The following MTUS2 variants were observed in gnomAD, a reference collection of about 807,000 sequenced individuals.
MTUS2 encodes the protein microtubule-associated tumor suppressor candidate 2.
A neutral mutation model predicts 114.1 loss-of-function variants in MTUS2; 40 were observed. The ratio of observed to expected loss-of-function variants is 0.35; its 90% CI spans 0.27 to 0.46. MTUS2 has a LOEUF of 0.46. MTUS2 is among the 20% of genes least tolerant of loss of function. MTUS2 has a pLI of 1.00. For missense variants in MTUS2, 1,679 were observed against 1,705.4 expected (o/e 0.98, Z 0.27); for synonymous variants, 688 against 672.0 (o/e 1.02, Z -0.37).
chr13:28,933,105 T>C (rs1294718106), intron 2 of MTUS2, among the ~76,000 whole-genome samples: 1 of 145,212 alleles, frequency 6.9e-6, no homozygotes, highest in Non-Finnish European at 1.5e-5. Flanking sequence ...GTGTAGGTTC[T>C]CTGGAGAATC....
chr13:28,848,556 G>A (rs1876036732), intron 2 of MTUS2, among the ~76,000 whole-genome samples: 2 of 151,948 alleles, frequency 1.3e-5, no homozygotes, highest in African/African-American at 4.8e-5. Flanking sequence ...ATCTAGTGTG[G>A]TAGGAAGAGA....
intron 2 of MTUS2, among the ~76,000 whole-genome samples, chr13:28,898,866 ATG>A (rs1879453511): frequency 6.6e-6 from 1 of 152,166 alleles, no homozygotes; most frequent in Admixed American, 6.5e-5. Flanking sequence ...CTTTAGTTAA[ATG>A]TGTGATTGAA....
At chr13:28,958,781 A>G (rs1228916705) in intron 2 of MTUS2, among the ~76,000 whole-genome samples, 1 of 152,222 alleles carries the variant, frequency 6.6e-6, no homozygotes, top group Non-Finnish European at 1.5e-5. Context: ...AGAAAGCTGT[A>G]GCTGTGGATG....
At chr13:29,259,860 C>T (rs1328492565) in intron 5 of MTUS2, among the ~76,000 whole-genome samples, 3 of 152,166 alleles carry the variant, frequency 2.0e-5, no homozygotes, top group Admixed American at 6.5e-5. Flanking sequence ...ATACTCTATA[C>T]GTGATTTTTC....
chr13:29,290,610 G>A (rs1314067662), intron 6 of MTUS2, among the ~76,000 whole-genome samples: 3 of 152,124 alleles, frequency 2.0e-5, no homozygotes, highest in African/African-American at 4.8e-5. Flanking sequence ...GATTACAGGC[G>A]TTAACCACCA....
At chr13:29,434,665 A>G (rs868221135) in intron 8 of MTUS2, among the ~76,000 whole-genome samples, 1 of 152,220 alleles carries the variant, frequency 6.6e-6, no homozygotes, top group Non-Finnish European at 1.5e-5. Context: ...AATCACACGG[A>G]TGATGCTAAC....
At position 29,289,159 on chromosome 13, in the gene MTUS2, G is replaced by T. The variant is rs77212486; in HGVS notation, c.2806+7294G>T. Among the ~76,000 whole-genome samples, 66 of 152,338 alleles carry T rather than the reference G, an allele frequency of 4.3e-4. No individual in the cohort carries two copies. In the East Asian group the frequency reaches 0.011, roughly 25 times the overall value. On this transcript the variant is annotated intron_variant, in intron 6 of 15. Transcript: ENST00000612955. Reference sequence around the variant, plus strand: ...CAGGACTAAGTAGTAATTGAAGCATGTGATATAAACTGTTTTAGCTTTTAC... The same window carrying T: ...CAGGACTAAGTAGTAATTGAAGCATTTGATATAAACTGTTTTAGCTTTTAC...
Position 29,026,032 on chromosome 13 carries a change from C to T in MTUS2, c.1334C>T (p.Thr445Ile). 6.2e-7 allele frequency: 1 copy of T among 1,613,984 alleles called. No individual in the cohort carries two copies. The change falls in exon 3 of 16, where the codon ACT becomes ATT. Residue 445 changes from threonine to isoleucine, a missense_variant. Physicochemically the swap from Thr to Ile is moderately conservative, Grantham distance 89. This residue lies in a region of MTUS2 where 843 missense variants were observed against 770.8 expected (regional missense o/e 1.09). Coordinates refer to ENST00000612955, the MANE Select transcript of MTUS2 (RefSeq NM_001033602.4). ...GTGGCTTTTATTCCTAATAATCTGACTGACAGCAAGCCCTTGGATGTCATT... is the reference window on the plus strand; with the variant it reads ...GTGGCTTTTATTCCTAATAATCTGATTGACAGCAAGCCCTTGGATGTCATT... ...SHVAFIPNNL[T>I]DSKPLDVIEE...
intron 2 of MTUS2, among the ~76,000 whole-genome samples, chr13:29,018,548 A>G (rs555563252): frequency 6.6e-6 from 1 of 152,250 alleles, no homozygotes; most frequent in East Asian, 1.9e-4. Flanking sequence ...GCCAAGGTGG[A>G]TGGATCACCT....
At chr13:29,184,924 C>A (rs1384658449) in intron 5 of MTUS2, among the ~76,000 whole-genome samples, 2 of 152,066 alleles carry the variant, frequency 1.3e-5, no homozygotes, top group African/African-American at 4.8e-5. Context: ...GTCAAGAGAA[C>A]TTCCTTGAGG....
chr13:29,421,147 C>G (rs756030853), intron 8 of MTUS2, among the ~76,000 whole-genome samples: 19 of 152,122 alleles, frequency 1.2e-4, no homozygotes, highest in Non-Finnish European at 2.4e-4. Context: ...CGTAACTACC[C>G]ATCATTCCCA....
intron 6 of MTUS2, among the ~76,000 whole-genome samples, chr13:29,322,410 C>T (rs958481818): frequency 6.6e-6 from 1 of 152,090 alleles, no homozygotes; most frequent in Non-Finnish European, 1.5e-5. Context: ...GCTTTCCATA[C>T]CTGGAAGGTC....
intron 8 of MTUS2, among the ~76,000 whole-genome samples, chr13:29,409,191 C>T (rs1048726775): frequency 1.3e-5 from 2 of 152,044 alleles, no homozygotes; most frequent in African/African-American, 4.8e-5. Context: ...GTGGTAGCAC[C>T]TGTAATCTCA....
intron 3 of MTUS2, among the ~76,000 whole-genome samples, chr13:29,030,067 G>T (rs953623405): frequency 6.6e-6 from 1 of 152,146 alleles, no homozygotes; most frequent in Non-Finnish European, 1.5e-5. Flanking sequence ...ACCCCACATT[G>T]TCTGTAATTC....
At chr13:29,500,993 A>G in intron 14 of MTUS2, 104 bp from the exon 15 acceptor site, 1 of 832,052 alleles carries the variant, frequency 1.2e-6, no homozygotes, top group East Asian at 2.5e-5. Flanking sequence ...GATGTTTGCA[A>G]AATGCTGTTC....
chr13:29,301,310 A>G (rs1899195745), intron 6 of MTUS2, among the ~76,000 whole-genome samples: 1 of 152,030 alleles, frequency 6.6e-6, no homozygotes, highest in East Asian at 1.9e-4. Flanking sequence ...CCCTCTTTAC[A>G]CAGCTGCTGT....
intron 8 of MTUS2, among the ~76,000 whole-genome samples, chr13:29,395,587 C>G (rs528131128): frequency 2.0e-5 from 3 of 152,272 alleles, no homozygotes; most frequent in African/African-American, 7.2e-5. Context: ...CCAGGGTTTG[C>G]TGTATTAAGC....
At chr13:28,834,807 A>G (rs1424260603) in intron 1 of MTUS2, among the ~76,000 whole-genome samples, 1 of 152,188 alleles carries the variant, frequency 6.6e-6, no homozygotes, top group Non-Finnish European at 1.5e-5. Context: ...ATATATAAAA[A>G]TGATTTCATT....
chr13:29,435,927 G>A (rs1022696669), intron 8 of MTUS2, among the ~76,000 whole-genome samples: 35 of 152,132 alleles, frequency 2.3e-4, no homozygotes, highest in African/African-American at 7.5e-4. Flanking sequence ...GAAGCTGGTG[G>A]GGAAAACTAA....
Sources: allele counts gnomAD v4.1 joint callset (sites outside exome capture counted in the v4.1 genomes callset), GRCh38; gene constraint gnomAD v4.1.1; regional missense constraint gnomAD v4.1.1; transcripts MANE v1.5; gene names NCBI Gene and HGNC (gene_info 2026-07-23, HGNC 2026-07-21).